Variants in ITPR1 observed in about 807,000 individuals in gnomAD.
The protein encoded by ITPR1 is inositol 1,4,5-trisphosphate receptor type 1.
ITPR1 carries 96 observed loss-of-function variants against 318.4 expected under a neutral mutation model. The observed-to-expected ratio is 0.30, with a 90% confidence interval of 0.26 to 0.36. The LOEUF (loss-of-function observed/expected upper bound fraction) is 0.36. ITPR1 is among the 10% of genes least tolerant of loss of function. The pLI, the probability that ITPR1 is intolerant of heterozygous loss-of-function variation, is 1.00. For missense variants in ITPR1, 2,440 were observed against 3,460.2 expected, an observed-to-expected ratio of 0.71 and a Z score of 7.40; for synonymous variants, 1,312 against 1,289.9, an observed-to-expected ratio of 1.02 and a Z score of -0.37.
Position 4,516,368 on chromosome 3 carries a change from T to C in ITPR1, c.-16-108T>C, listed in dbSNP as rs2082171518. On this transcript the variant is annotated intron_variant, in intron 2 of 61. Coordinates refer to ENST00000649015, the MANE Select transcript of ITPR1 (RefSeq NM_001378452.1). ...TCAAACTGTTATTTAAATTTGACTT[T>C]TAAGTAAGGCGCTTTGGAAAATTGA... 2.6e-5 allele frequency: 15 copies of C among 584,722 alleles called. No homozygotes were observed. In the South Asian group the frequency reaches 3.9e-4, roughly 15 times the overall value. 36.2% of individuals were successfully genotyped at this position (584,722 alleles called of 1,614,324 possible).
chr3:4,769,198 G>A (rs938925135), intron 46 of ITPR1, among the ~76,000 whole-genome samples: 14 of 152,092 alleles, frequency 9.2e-5, no homozygotes, highest in African/African-American at 2.7e-4. Context: ...CCGAGCCACC[G>A]AGCCTGGCCA....
intron 4 of ITPR1, among the ~76,000 whole-genome samples, chr3:4,539,413 T>A (rs1457749186): frequency 6.6e-6 from 1 of 152,180 alleles, no homozygotes; most frequent in Non-Finnish European, 1.5e-5. Context: ...TTAGGTGCAA[T>A]GTGCTATATA....
intron 4 of ITPR1, among the ~76,000 whole-genome samples, chr3:4,559,790 A>G (rs2086492046): frequency 6.6e-6 from 1 of 152,208 alleles, no homozygotes; most frequent in South Asian, 2.1e-4. Flanking sequence ...GCCCAGGGAG[A>G]TTAGGTAACT....
Position 4,642,372 on chromosome 3 carries a change from A to T in ITPR1, c.525+121A>T, listed in dbSNP as rs544491524. 6.1e-6 allele frequency: 4 copies of T among 657,868 alleles called. No homozygotes were observed. The East Asian group carries it at 1.3e-4, about 22-fold the overall frequency. 40.8% of individuals were successfully genotyped at this position (657,868 alleles called of 1,614,324 possible). Reference sequence around the variant, plus strand: ...CAGAGGCTTGTCCTGTGTAAAGAGAAGGGAATTGCTATGGAAACTAGTGTT... The same window carrying T: ...CAGAGGCTTGTCCTGTGTAAAGAGATGGGAATTGCTATGGAAACTAGTGTT... On this transcript the variant is annotated intron_variant, in intron 7 of 61. Coordinates refer to ENST00000649015, the MANE Select transcript of ITPR1 (RefSeq NM_001378452.1).
chr3:4,783,589 G>A (rs941899533), intron 50 of ITPR1, among the ~76,000 whole-genome samples: 3 of 152,154 alleles, frequency 2.0e-5, no homozygotes, highest in African/African-American at 7.2e-5. Flanking sequence ...TCGGGGGAAA[G>A]TGGAACCATG....
At chr3:4,579,953 G>C (rs1035318569) in intron 4 of ITPR1, among the ~76,000 whole-genome samples, 1 of 152,160 alleles carries the variant, frequency 6.6e-6, no homozygotes, top group African/African-American at 2.4e-5. Context: ...GCTCACGCCT[G>C]TAATCCCAGC....
chr3:4,535,442 ATTTT>A (rs34152018), intron 4 of ITPR1, among the ~76,000 whole-genome samples: 2 of 100,982 alleles, frequency 2.0e-5, no homozygotes, highest in Non-Finnish European at 3.7e-5. Flanking sequence ...TTTTTTTTTA[ATTTT>A]TTTTTTTTTT....
intron 60 of ITPR1, among the ~76,000 whole-genome samples, chr3:4,818,813 A>G (rs1331569878): frequency 6.6e-6 from 1 of 152,146 alleles, no homozygotes; most frequent in Non-Finnish European, 1.5e-5. Context: ...GGAAGCGGGG[A>G]AGCTGCTTCA....
chr3:4,826,021 C>T lies in ITPR1; in HGVS notation c.8028+7779C>T, dbSNP rs960677006. Among the ~76,000 whole-genome samples the T allele has an allele frequency of 6.6e-6, 1 of 152,256 alleles. No individual in the cohort carries two copies. The highest frequency in any genetic ancestry group is 6.5e-5 in the Admixed American group (1 of 15,284). ...AAGTTGGAGTCCCTGCCAGACAGCA[C>T]TTAGGTGCAGGAGAGAGGAAGGGCG... On this transcript the variant is annotated intron_variant, in intron 60 of 61. Transcript: ENST00000649015. This position sits in a 1 kb window ranked among gnomAD's most constrained non-coding sequence, Gnocchi z 4.2.
intron 4 of ITPR1, among the ~76,000 whole-genome samples, chr3:4,602,896 G>A (rs1305764561): frequency 6.6e-6 from 1 of 151,608 alleles, no homozygotes; most frequent in African/African-American, 2.4e-5. Context: ...TTTTGTGGGG[G>A]ATAATGCAAA....
rs6801563 is a variant in ITPR1 at position 4,661,863 on chromosome 3, T to C, written c.1252-219T>C. 0.32 allele frequency among the ~76,000 whole-genome samples: 48,748 copies of C among 152,066 alleles called. 8,230 individuals are homozygous for C. Among genetic ancestry groups the C allele is most frequent in the African/African-American group, 0.43 (17,671 of 41,458 alleles). On this transcript the variant is annotated intron_variant, in intron 14 of 61. Transcript: ENST00000649015. ...TGAAGTTAAAAATGATATTAATGCC[T>C]CCTTCCTGCCACACTGGCCCCCATA...
intron 4 of ITPR1, among the ~76,000 whole-genome samples, chr3:4,593,628 T>TGCTCCC (rs2090565812): frequency 6.6e-6 from 1 of 152,172 alleles, no homozygotes; most frequent in African/African-American, 2.4e-5. Flanking sequence ...AATACAAAAA[T>TGCTCCC]AAGAGGGGCC....
At chr3:4,674,136 G>C in intron 21 of ITPR1, 66 bp from the exon 22 acceptor site, 6 of 1,315,400 alleles carry the variant, frequency 4.6e-6, no homozygotes, top group Non-Finnish European at 5.2e-6. Flanking sequence ...GAAGCTGAGT[G>C]ACCCAGGAAG....
chr3:4,823,649 C>T (rs2049869816), intron 60 of ITPR1, among the ~76,000 whole-genome samples: 1 of 151,878 alleles, frequency 6.6e-6, no homozygotes, highest in South Asian at 2.1e-4. Context: ...AGATAGATAA[C>T]AGAGACTGGG....
chr3:4,605,486 A>AT (rs1227722101), intron 4 of ITPR1, among the ~76,000 whole-genome samples: 8 of 152,192 alleles, frequency 5.3e-5, no homozygotes, highest in Non-Finnish European at 1.2e-4. Flanking sequence ...TGAAGTTGAT[A>AT]GTAGTGCTGG....
At position 4,815,089 on chromosome 3, in the gene ITPR1, T is replaced by C; in HGVS notation, c.7738T>C (p.Leu2580=). Residue 2580 remains leucine (L), a synonymous_variant, in exon 59 of 62, where the codon TTG becomes CTG. Transcript: ENST00000649015. ...TGCTGCTAGAGTTATTTATGACCTC[T>C]TGTTCTTCTTCATGGTCATCATCAT... ...LFAARVIYDL[L]FFFMVIIIVL... 6.2e-7 allele frequency: 1 copy of C among 1,613,890 alleles called. No homozygotes were observed. Among genetic ancestry groups the C allele is most frequent in the Non-Finnish European group, 8.5e-7 (1 of 1,179,784 alleles).
chr3:4,499,079 G>A (rs1025811703), intron 2 of ITPR1, among the ~76,000 whole-genome samples: 2 of 152,142 alleles, frequency 1.3e-5, no homozygotes, highest in African/African-American at 4.8e-5. Flanking sequence ...ACTTGAGCCC[G>A]GGGGTTTGAG....
At chr3:4,661,150 G>A (rs2093823880) in intron 14 of ITPR1, 63 bp downstream of exon 14, 1 of 943,022 alleles carries the variant, frequency 1.1e-6, no homozygotes, top group African/African-American at 1.7e-5. Context: ...GGGCTCCTTT[G>A]AGGACAGATC....
At chr3:4,831,142 C>CACACACACAG in intron 60 of ITPR1, 1 of 377,558 alleles carries the variant, frequency 2.6e-6, no homozygotes. Context: ...CACACACACA[C>CACACACACAG]ACACACACAC....
Sources: gnomAD v4.1 joint callset for allele counts (sites outside exome capture counted in the v4.1 genomes callset) on GRCh38, gnomAD v4.1.1 for gene constraint, Gnocchi (gnomAD v3.1) non-coding constraint, MANE v1.5 for transcripts, NCBI Gene and HGNC (gene_info 2026-07-23, HGNC 2026-07-21) for gene names.